Variants in CCSER2 observed in about 807,000 individuals in gnomAD.
CCSER2 encodes coiled-coil serine rich protein 2.
A neutral mutation model predicts 92.3 loss-of-function variants in CCSER2; 46 were observed. That is an observed-to-expected ratio of 0.50 (90% confidence interval 0.39 to 0.64). The LOEUF (loss-of-function observed/expected upper bound fraction) is 0.64, where lower values mean the gene tolerates loss of function less well. Ranked by LOEUF, CCSER2 falls within the 30% of genes least tolerant of loss-of-function variation. The pLI is 0.00. For synonymous variants in CCSER2, 433 were observed against 431.4 expected, an observed-to-expected ratio of 1.00 and a Z score of -0.04; for missense variants, 1,244 against 1,238.9, an observed-to-expected ratio of 1.00 and a Z score of -0.06.
At chr10:84,393,166 G>A (rs12778218) in intron 3 of CCSER2, among the ~76,000 whole-genome samples, 31,921 of 152,000 alleles carry the variant, frequency 0.21, 3,597 homozygotes, top group Admixed American at 0.34. Flanking sequence ...TCCTTGAAAT[G>A]TCTTTTTTAG....
chr10:84,474,275 C>G (rs1449851636), intron 8 of CCSER2, among the ~76,000 whole-genome samples: 2 of 152,094 alleles, frequency 1.3e-5, no homozygotes, highest in African/African-American at 4.8e-5. Flanking sequence ...CAAGACAGAC[C>G]TGAGTTCAGA....
chr10:84,360,183 A>G (rs956019844), intron 1 of CCSER2, among the ~76,000 whole-genome samples: 2 of 152,188 alleles, frequency 1.3e-5, no homozygotes, highest in Non-Finnish European at 2.9e-5. Context: ...AAACAGCATA[A>G]TTAATCCCTG....
chr10:84,516,678 A>C lies in CCSER2; in HGVS notation c.*2411A>C, dbSNP rs953058676. On this transcript the variant is annotated 3_prime_UTR_variant, in exon 10 of 10. Transcript: ENST00000372088. ...ATGTCTTTATTGTCCATTACATAAA[A>C]ATGTTGACTCCAGTAATTTATTTTT... 1 of 152,146 alleles carries C rather than the reference A, an allele frequency of 6.6e-6. No individual in the cohort carries two copies. Among genetic ancestry groups the C allele is most frequent in the African/African-American group, 2.4e-5 (1 of 41,436 alleles). The allele number at this position is 152,146 out of a possible 1,614,324, so 9.4% of individuals were successfully genotyped here.
At chr10:84,357,340 C>T (rs953807603) in intron 1 of CCSER2, among the ~76,000 whole-genome samples, 1 of 152,212 alleles carries the variant, frequency 6.6e-6, no homozygotes, top group African/African-American at 2.4e-5. Context: ...TGACTAACTA[C>T]ACCGTCCATA....
chr10:84,347,349 G>A (rs1280287854), intron 1 of CCSER2, among the ~76,000 whole-genome samples: 1 of 152,124 alleles, frequency 6.6e-6, no homozygotes, highest in Non-Finnish European at 1.5e-5. Context: ...CCCAGAAGGG[G>A]CGGCCGGGCA....
chr10:84,417,808 A>T lies in CCSER2; in HGVS notation c.1652A>T (p.Asp551Val), dbSNP rs1842955394. Residue 551 changes from aspartate to valine, a missense_variant, in exon 4 of 10, where the codon GAT (aspartate) becomes GTT (valine). Coordinates refer to ENST00000372088, the MANE Select transcript of CCSER2 (RefSeq NM_001284240.2). ...LNNLESCDLE[D>V]DDLMLDVDLP... ...AATCTTGAATCATGTGACCTTGAGGATGATGATCTTATGCTTGATGTGGAT... is the reference window on the plus strand; with the variant it reads ...AATCTTGAATCATGTGACCTTGAGGTTGATGATCTTATGCTTGATGTGGAT... 1 of 1,598,400 alleles carries T rather than the reference A, an allele frequency of 6.3e-7. No individual in the cohort carries two copies. The highest frequency in any genetic ancestry group is 8.6e-7 in the Non-Finnish European group (1 of 1,165,888).
rs186582450 is a variant in CCSER2 at position 84,490,695 on chromosome 10, T to G, written c.2325+13031T>G. Among the ~76,000 whole-genome samples the G allele has an allele frequency of 3.3e-5, 5 of 152,344 alleles. No individual in the cohort carries two copies. In the East Asian group the frequency reaches 7.7e-4, roughly 24 times the overall value. ...TTGCATGGGGTTCGAACTTCCTCCT[T>G]TAGTTTGAAGAAGTTTGATCTTCTG... On this transcript the variant is annotated intron_variant, in intron 9 of 9. Coordinates refer to ENST00000372088, the MANE Select transcript of CCSER2 (RefSeq NM_001284240.2).
At chr10:84,362,749 A>G (rs1589444981) in intron 1 of CCSER2, among the ~76,000 whole-genome samples, 1 of 152,170 alleles carries the variant, frequency 6.6e-6, no homozygotes, top group Non-Finnish European at 1.5e-5. Flanking sequence ...AGAATCTGGA[A>G]GTAAGCGCAC....
rs1021930206 is a variant in CCSER2, at chr10:84,438,687, C to T, written c.2044C>T (p.Leu682=). The part of the protein sequence containing the change: ...CTAVKTQLLK[L]KRLLHQHDGS... ...TGCTGTAAAAACTCAGTTACTCAAACTGAAACGTCTCCTGCATCAGGTGAG... is the reference window on the plus strand; with the variant it reads ...TGCTGTAAAAACTCAGTTACTCAAATTGAAACGTCTCCTGCATCAGGTGAG... The change falls in exon 6 of 10, where the codon CTG becomes TTG. Residue 682 remains leucine, a synonymous_variant. Coordinates refer to ENST00000372088, the MANE Select transcript of CCSER2 (RefSeq NM_001284240.2). 1 of 1,606,906 alleles carries T rather than the reference C, an allele frequency of 6.2e-7. No homozygotes were observed. The highest frequency in any genetic ancestry group is 1.3e-5 in the African/African-American group (1 of 74,690).
chr10:84,501,848 TATATATATATACTC>T (rs1848765412), intron 9 of CCSER2, among the ~76,000 whole-genome samples: 2 of 112,294 alleles, frequency 1.8e-5, no homozygotes, highest in Non-Finnish European at 3.9e-5. Flanking sequence ...TATATATATA[TATATATATATACTC>T]ATATATATAT....
chr10:84,367,958 A>G (rs1337395595), intron 1 of CCSER2, among the ~76,000 whole-genome samples: 2 of 151,970 alleles, frequency 1.3e-5, no homozygotes, highest in African/African-American at 4.8e-5. Flanking sequence ...CTGTGGCCCT[A>G]TGCTTTCCCA....
At chr10:84,502,751 G>T (rs563829761) in intron 9 of CCSER2, among the ~76,000 whole-genome samples, 1 of 152,268 alleles carries the variant, frequency 6.6e-6, no homozygotes, top group Admixed American at 6.5e-5. Context: ...GCTTGGCTGT[G>T]AGTCTTCAGT....
chr10:84,362,036 A>G (rs768939436), intron 1 of CCSER2, among the ~76,000 whole-genome samples: 1 of 152,214 alleles, frequency 6.6e-6, no homozygotes, highest in Non-Finnish European at 1.5e-5. Context: ...TATACTGAGC[A>G]AGCTGGGGCT....
intron 3 of CCSER2, among the ~76,000 whole-genome samples, chr10:84,409,179 C>T (rs1042143966): frequency 1.3e-5 from 2 of 151,964 alleles, no homozygotes; most frequent in East Asian, 3.9e-4. Flanking sequence ...TTAATAAAGA[C>T]GGAGTTTCAC....
intron 6 of CCSER2, among the ~76,000 whole-genome samples, chr10:84,459,071 G>A (rs957726450): frequency 2.6e-5 from 4 of 151,972 alleles, no homozygotes; most frequent in African/African-American, 4.8e-5. Context: ...GCAGTGGCAC[G>A]ATCTCAGCTC....
Position 84,514,251 on chromosome 10 carries a change from A to T in CCSER2, c.3128A>T (p.Lys1043Ile). The change falls in exon 10 of 10, where the codon AAA (lysine) becomes ATA (isoleucine). Residue 1043 changes from lysine (K) to isoleucine (I), a missense_variant. Coordinates refer to ENST00000372088, the MANE Select transcript of CCSER2 (RefSeq NM_001284240.2). ...TCTAATCGATATTCTCGTCTTCCTA[A>T]ACCAAAGATACATTAAGTACATAGC... is the stretch of plus-strand genomic sequence containing the variant. ...LASNRYSRLP[K>I]PKIH is the part of the protein sequence containing the mutation. 1 of 1,535,516 alleles carries T rather than the reference A, an allele frequency of 6.5e-7. No individual in the cohort carries two copies. The highest frequency in any genetic ancestry group is 1.2e-5 in the South Asian group (1 of 83,992).
At position 84,425,746 on chromosome 10, in the gene CCSER2, T is replaced by C. The variant is rs1843396304; in HGVS notation, c.1721T>C (p.Met574Thr). Residue 574 changes from methionine to threonine, a missense_variant, in exon 5 of 10, where the codon ATG becomes ACG. Met to Thr is a moderately conservative substitution (Grantham distance 81). Coordinates refer to ENST00000372088, the MANE Select transcript of CCSER2 (RefSeq NM_001284240.2). Reference protein sequence around the residue: ...APLENVECDNMNRFDRPDRNV... With the variant: ...APLENVECDNTNRFDRPDRNV... ...ATCTGTCTAGTGGAGTGTGACAATA[T>C]GAACCGCTTTGACCGACCAGACAGA... is the stretch of plus-strand genomic sequence containing the variant. 6.2e-7 allele frequency: 1 copy of C among 1,610,446 alleles called. No homozygotes were observed. Among genetic ancestry groups the C allele is most frequent in the Non-Finnish European group, 8.5e-7 (1 of 1,177,918 alleles).
chr10:84,501,448 T>A (rs1848714863), intron 9 of CCSER2, among the ~76,000 whole-genome samples: 1 of 152,190 alleles, frequency 6.6e-6, no homozygotes, highest in Admixed American at 6.5e-5. Context: ...TCTCCTCAGC[T>A]AGCTGTAATA....
At chr10:84,336,003 T>C (rs1260269420) in intron 1 of CCSER2, among the ~76,000 whole-genome samples, 1 of 152,130 alleles carries the variant, frequency 6.6e-6, no homozygotes. Flanking sequence ...CATCTTTCTG[T>C]TTTGTTTTGT....
Sources: allele counts gnomAD v4.1 joint callset (sites outside exome capture counted in the v4.1 genomes callset), GRCh38; gene constraint gnomAD v4.1.1; transcripts MANE v1.5; gene names NCBI Gene and HGNC (gene_info 2026-07-23, HGNC 2026-07-21).